DISP3: variants seen among roughly 807,000 people sequenced by gnomAD.
DISP3 encodes the protein dispatched RND transporter family member 3, also known as protein dispatched homolog 3.
Under a neutral mutation model 135.3 loss-of-function variants are expected in DISP3, and 101 were observed. The observed-to-expected ratio is 0.75, with a 90% CI of 0.64 to 0.88. The LOEUF is 0.88. Ranked by LOEUF, DISP3 falls within the 40% of genes least tolerant of loss-of-function variation. DISP3 has a pLI of 0.00. For synonymous variants in DISP3, 856 were observed against 817.0 expected, an observed-to-expected ratio of 1.05 and a Z score of -0.81; for missense variants, 1,713 against 1,878.6, an observed-to-expected ratio of 0.91 and a Z score of 1.63.
intron 3 of DISP3, among the ~76,000 whole-genome samples, chr1:11,507,236 T>C (rs1180623158): frequency 6.6e-6 from 1 of 152,198 alleles, no homozygotes; most frequent in Non-Finnish European, 1.5e-5. Flanking sequence ...GAGTTGAGGA[T>C]GGTTTGCAAT....
Position 11,536,141 on chromosome 1 carries a change from C to A in DISP3, c.3817-183C>A, listed in dbSNP as rs916314564. Among the ~76,000 whole-genome samples the A allele has an allele frequency of 1.3e-5, 2 of 152,188 alleles. No homozygotes were observed. The highest frequency in any genetic ancestry group is 2.4e-5 in the African/African-American group (1 of 41,452). ...ACAGGACCTACTGTGCAGACCCTCG[C>A]GTCCTGTTGCCATAGCAACACCTAC... On this transcript the variant is annotated intron_variant, in intron 20 of 20. Coordinates refer to ENST00000294484, the MANE Select transcript of DISP3 (RefSeq NM_020780.2). The surrounding 1 kb of genome is among the most constrained non-coding windows in gnomAD (Gnocchi z 4.3).
chr1:11,480,685 ACACACAC>A, intron 1 of DISP3, among the ~76,000 whole-genome samples: 1 of 69,098 alleles, frequency 1.4e-5, no homozygotes, highest in South Asian at 6.2e-4. Flanking sequence ...GTGCACACAC[ACACACAC>A]ACACACACAC....
rs1267671436 is a variant in DISP3 at position 11,519,930 on chromosome 1, AAC to A, written c.2200+56_2200+57del. On this transcript the variant is annotated intron_variant, in intron 9 of 20. Coordinates refer to ENST00000294484, the MANE Select transcript of DISP3 (RefSeq NM_020780.2). The surrounding 1 kb of genome is among the most constrained non-coding windows in gnomAD (Gnocchi z 4.3). Reference sequence around the variant, plus strand: ...CCCTGTCTCACAGCTCCACCCCCAAAACACACAGGAACTGGGAGCCCACCCCC... The same window carrying A: ...CCCTGTCTCACAGCTCCACCCCCAAAACACAGGAACTGGGAGCCCACCCCC... 1 of 1,535,624 alleles carries A rather than the reference AAC, an allele frequency of 6.5e-7. No individual in the cohort carries two copies.
At chr1:11,517,380 T>G in intron 6 of DISP3, 83 bp from the exon 7 acceptor site, 2 of 1,558,708 alleles carry the variant, frequency 1.3e-6, no homozygotes, top group Non-Finnish European at 1.8e-6. Flanking sequence ...GGGTCCTGAG[T>G]GTCTCTGGCT....
chr1:11,525,283 C>T lies in DISP3; in HGVS notation c.2584C>T (p.Pro862Ser). The T allele has an allele frequency of 6.2e-7, 1 of 1,613,904 alleles. No homozygotes were observed. ...GCCTGCTCCTTGGCAGGCTGTGTCG[C>T]CTGGGGATGGAGAGGTGCCCTCCTT... ...SLPAPWQAVSPGDGEVPSFQV... is the reference protein window; with the variant it reads ...SLPAPWQAVSSGDGEVPSFQV... The change falls in exon 12 of 21, where the codon CCT (proline) becomes TCT (serine). Residue 862 changes from proline (P) to serine (S), a missense_variant. By Grantham distance (74) the Pro-to-Ser change is moderately conservative. Transcript: ENST00000294484.
chr1:11,523,930 G>T lies in DISP3; in HGVS notation c.2363-12G>T, dbSNP rs150735726. 4 of 1,605,058 alleles carry T rather than the reference G, an allele frequency of 2.5e-6. No homozygotes were observed. The highest frequency in any genetic ancestry group is 2.6e-6 in the Non-Finnish European group (3 of 1,173,124). On this transcript the variant is annotated splice_polypyrimidine_tract_variant and intron_variant, in intron 10 of 20. Coordinates refer to ENST00000294484, the MANE Select transcript of DISP3 (RefSeq NM_020780.2). The stretch of plus-strand genomic sequence containing the variant: ...GCTGTCCTGCTGTCCTTGACATGGC[G>T]CTGGGGGGCAGGTCTGTTCCAGGAG...
intron 15 of DISP3, 72 bp downstream of exon 15, chr1:11,530,031 G>A: frequency 1.9e-6 from 3 of 1,560,522 alleles, no homozygotes; most frequent in Non-Finnish European, 2.6e-6. Flanking sequence ...ACCTGTCCAG[G>A]GAACCATGTC....
rs1007450395 is a variant in DISP3 at position 11,536,905 on chromosome 1, A to G, written c.*219A>G. The G allele has an allele frequency of 8.3e-5, 54 of 649,722 alleles. No individual in the cohort carries two copies. The highest frequency in any genetic ancestry group is 1.2e-4 in the Non-Finnish European group (48 of 396,516). The allele number at this position is 649,722 out of a possible 1,614,324, so 40.2% of individuals were successfully genotyped here. The stretch of plus-strand genomic sequence containing the variant: ...CCACCCCACAGGCCGGGCTACTGGC[A>G]GCCACACTCGGCTTTTTGCCCAGTG... On this transcript the variant is annotated 3_prime_UTR_variant, in exon 21 of 21. Coordinates refer to ENST00000294484, the MANE Select transcript of DISP3 (RefSeq NM_020780.2). This position sits in a 1 kb window ranked among gnomAD's most constrained non-coding sequence, Gnocchi z 4.3.
Position 11,501,725 on chromosome 1 carries a change from A to C in DISP3, c.733A>C (p.Asn245His), listed in dbSNP as rs753443701. ...CCCGCCCCACGCGGCAGTCGCGGCC[A>C]ATCAGAGCCGTGCCCGCCGAGGCGC... ...SIPPHAAVAA[N>H]QSRARRGASR... The change falls in exon 2 of 21, where the codon AAT becomes CAT. Residue 245 changes from asparagine (N) to histidine (H), a missense_variant. Asn to His is a moderately conservative substitution (Grantham distance 68, BLOSUM62 1). Around this residue, in one of 2 missense-constraint regions of DISP3, gnomAD observed 571 missense variants for 494.1 expected, o/e 1.16. Transcript: ENST00000294484. The surrounding 1 kb of genome is among the most constrained non-coding windows in gnomAD (Gnocchi z 4.9). The C allele has an allele frequency of 6.0e-5, 96 of 1,596,890 alleles. No individual in the cohort carries two copies. The highest frequency in any genetic ancestry group is 8.2e-5 in the Non-Finnish European group (96 of 1,171,380).
rs758570981 is a variant in DISP3, at chr1:11,536,444, G to A, written c.3937G>A (p.Ala1313Thr). 1.5e-5 allele frequency: 24 copies of A among 1,613,506 alleles called. No homozygotes were observed. The highest frequency in any genetic ancestry group is 9.9e-5 in the South Asian group (9 of 91,080). The part of the protein sequence containing the change: ...ATVPLFFCII[A>T]PFAKFGKIVA... ...AGTGCCCCTCTTCTTCTGCATCATC[G>A]CCCCATTTGCCAAGTTCGGCAAGAT... Residue 1313 changes from alanine to threonine, a missense_variant, in exon 21 of 21, where the codon GCC (alanine) becomes ACC (threonine). Around this residue, in one of 2 missense-constraint regions of DISP3, gnomAD observed 1,142 missense variants for 1,384.6 expected, o/e 0.82. Transcript: ENST00000294484. This position sits in a 1 kb window ranked among gnomAD's most constrained non-coding sequence, Gnocchi z 4.3.
chr1:11,525,257 T>C lies in DISP3; in HGVS notation c.2558T>C (p.Leu853Pro), dbSNP rs200053763. The C allele has an allele frequency of 1.2e-6, 2 of 1,614,102 alleles. No homozygotes were observed. The highest frequency in any genetic ancestry group is 1.7e-6 in the Non-Finnish European group (2 of 1,179,970). Residue 853 changes from leucine to proline, a missense_variant, in exon 12 of 21, where the codon CTG (leucine) becomes CCG (proline). Around this residue, in one of 2 missense-constraint regions of DISP3, gnomAD observed 1,142 missense variants for 1,384.6 expected, o/e 0.82. Coordinates refer to ENST00000294484, the MANE Select transcript of DISP3 (RefSeq NM_020780.2). ...AVYRLSLNAS[L>P]PAPWQAVSPG... ...TACAGGCTCTCCCTCAATGCCAGCC[T>C]GCCTGCTCCTTGGCAGGCTGTGTCG...
rs780927812 is a variant in DISP3 at position 11,501,083 on chromosome 1, GCC to G, written c.93_94del (p.Gln32GlufsTer70). ...AGCAACGGGTGAAACCTTTTTAGGG[GCC>G]CAGAAGCCAGGGCCCCAACCTGGGG... ...EEATGETFLG[A>X]QKPGPQPGAG... is the part of the protein sequence containing the mutation. On this transcript the variant is annotated frameshift_variant, in exon 2 of 21. Transcript: ENST00000294484. LOFTEE classifies it high-confidence loss of function. The surrounding 1 kb of genome is among the most constrained non-coding windows in gnomAD (Gnocchi z 4.9). The G allele has an allele frequency of 6.2e-7, 1 of 1,614,074 alleles. No homozygotes were observed. Among genetic ancestry groups the G allele is most frequent in the Middle Eastern group, 1.7e-4 (1 of 6,046 alleles).
intron 1 of DISP3, among the ~76,000 whole-genome samples, chr1:11,497,298 C>T (rs772635909): frequency 3.4e-4 from 51 of 152,158 alleles, no homozygotes; most frequent in Non-Finnish European, 4.9e-4. Context: ...TTTTGGTGTA[C>T]CCATCACCCA....
In DISP3 at chr1:11,502,752, A is replaced by C; in HGVS notation, c.1171A>C (p.Lys391Gln). The change falls in exon 3 of 21, where the codon AAG (lysine) becomes CAG (glutamine). Residue 391 changes from lysine to glutamine, a missense_variant. Lys to Gln is a moderately conservative substitution (Grantham distance 53). This residue lies in a region of DISP3 where 1,142 missense variants were observed against 1,384.6 expected (regional missense o/e 0.82). Transcript: ENST00000294484. Reference protein sequence around the residue: ...VDEGLSADNLKSSLLRSEILF... With the variant: ...VDEGLSADNLQSSLLRSEILF... Reference sequence around the variant, plus strand: ...TGAGGGCCTCTCTGCAGACAATCTGAAGAGCTCCCTCCTGCGCAGTGAGAT... The same window carrying C: ...TGAGGGCCTCTCTGCAGACAATCTGCAGAGCTCCCTCCTGCGCAGTGAGAT... 6.2e-7 allele frequency: 1 copy of C among 1,614,122 alleles called. No individual in the cohort carries two copies. Among genetic ancestry groups the C allele is most frequent in the Non-Finnish European group, 8.5e-7 (1 of 1,180,018 alleles).
intron 13 of DISP3, among the ~76,000 whole-genome samples, chr1:11,528,414 T>A (rs1480772434): frequency 6.6e-6 from 1 of 152,142 alleles, no homozygotes; most frequent in African/African-American, 2.4e-5. Context: ...TAGCCAAAGG[T>A]CTCCTCTCTC....
In DISP3 at chr1:11,525,223, C is replaced by A. The variant is rs1642377510; in HGVS notation, c.2524C>A (p.Pro842Thr). The A allele has an allele frequency of 6.2e-7, 1 of 1,613,974 alleles. No homozygotes were observed. The highest frequency in any genetic ancestry group is 1.1e-5 in the South Asian group (1 of 91,088). ...CTCTAAAGTGAAGAGTCAAGGCCACCCCGCTGTCTACAGGCTCTCCCTCAA... is the reference window on the plus strand; with the variant it reads ...CTCTAAAGTGAAGAGTCAAGGCCACACCGCTGTCTACAGGCTCTCCCTCAA... ...YISKVKSQGH[P>T]AVYRLSLNAS... Residue 842 changes from proline to threonine, a missense_variant, in exon 12 of 21, where the codon CCC becomes ACC. Coordinates refer to ENST00000294484, the MANE Select transcript of DISP3 (RefSeq NM_020780.2).
intron 12 of DISP3, among the ~76,000 whole-genome samples, chr1:11,526,077 G>A (rs573275243): frequency 7.2e-5 from 11 of 152,302 alleles, no homozygotes; most frequent in East Asian, 1.9e-4. Flanking sequence ...ACAGGGACAC[G>A]CGCCAATTCA....
At chr1:11,518,768 A>C (rs1455094163) in intron 7 of DISP3, among the ~76,000 whole-genome samples, 1 of 152,160 alleles carries the variant, frequency 6.6e-6, no homozygotes, top group African/African-American at 2.4e-5. Context: ...ACCTGGGTTC[A>C]TCTGTGTGTG....
intron 1 of DISP3, among the ~76,000 whole-genome samples, chr1:11,498,678 C>T (rs1003085688): frequency 6.6e-6 from 1 of 152,138 alleles, no homozygotes; most frequent in East Asian, 1.9e-4. Context: ...GTACATGTAT[C>T]TGTTAGGGGT....
Sources: gnomAD v4.1 joint callset for allele counts (sites outside exome capture counted in the v4.1 genomes callset) on GRCh38, gnomAD v4.1.1 for gene constraint, gnomAD v4.1.1 regional missense constraint, Gnocchi (gnomAD v3.1) non-coding constraint, MANE v1.5 for transcripts, NCBI Gene and HGNC (gene_info 2026-07-23, HGNC 2026-07-21) for gene names.